Variants in NLRP13 observed in about 807,000 individuals in gnomAD.
The protein encoded by NLRP13 is NACHT, LRR and PYD domains-containing protein 13.
Under a neutral mutation model 94.4 loss-of-function variants are expected in NLRP13, and 82 were observed. The ratio of observed to expected loss-of-function variants is 0.87; its 90% CI spans 0.73 to 1.04. NLRP13 has a LOEUF of 1.04. NLRP13 is among the 50% of genes least tolerant of loss of function. The pLI, the probability that NLRP13 is intolerant of heterozygous loss-of-function variation, is 0.00. For missense variants in NLRP13, 1,426 were observed against 1,230.8 expected (o/e 1.16, Z -2.37); for synonymous variants, 553 against 464.7 (o/e 1.19, Z -2.45).
chr19:55,930,518 T>A (rs1412222733), intron 1 of NLRP13, among the ~76,000 whole-genome samples: 9 of 151,802 alleles, frequency 5.9e-5, no homozygotes, highest in African/African-American at 2.2e-4. Flanking sequence ...AAACCCCGTC[T>A]CTACTACAAA....
intron 6 of NLRP13, among the ~76,000 whole-genome samples, chr19:55,910,160 C>T (rs1334169410): frequency 6.6e-6 from 1 of 152,202 alleles, no homozygotes; most frequent in Non-Finnish European, 1.5e-5. Flanking sequence ...GTCCAATACT[C>T]ACTGAATGCA....
At chr19:55,911,133 G>A (rs549089209) in intron 5 of NLRP13, among the ~76,000 whole-genome samples, 7 of 152,202 alleles carry the variant, frequency 4.6e-5, no homozygotes, top group Non-Finnish European at 1.0e-4. Flanking sequence ...TGTAGCAGAT[G>A]GAGACAGAGA....
intron 10 of NLRP13, among the ~76,000 whole-genome samples, chr19:55,896,583 C>A (rs991376103): frequency 6.7e-6 from 1 of 149,896 alleles, no homozygotes; most frequent in African/African-American, 2.5e-5. Context: ...CTTAGGGAGG[C>A]TGAGGTGGGT....
chr19:55,896,222 C>T, intron 10 of NLRP13, 103 bp from the exon 11 acceptor site: 1 of 1,334,678 alleles, frequency 7.5e-7, no homozygotes. Flanking sequence ...CTAAAGCAGA[C>T]TGCTTAAGAG....
rs141036706 is a variant in NLRP13 at position 55,929,692 on chromosome 19, G to A, written c.319+2301C>T. Among the ~76,000 whole-genome samples, 763 of 152,206 alleles carry A rather than the reference G, an allele frequency of 5.0e-3. 3 individuals are homozygous for A. The highest frequency in any genetic ancestry group is 0.017 in the African/African-American group (697 of 41,532). On this transcript the variant is annotated intron_variant, in intron 1 of 10. Transcript: ENST00000342929. ...TAATGTACATGATGGGTTGATCGGTGCAGCAAACCACAATGGCATGTGTCT... is the reference window on the plus strand; with the variant it reads ...TAATGTACATGATGGGTTGATCGGTACAGCAAACCACAATGGCATGTGTCT...
In NLRP13 at chr19:55,924,640, C is replaced by T; in HGVS notation, c.407G>A (p.Gly136Glu). The change falls in exon 3 of 11, where the codon GGA becomes GAA. Residue 136 changes from glycine to glutamate, a missense_variant. By Grantham distance (98) the Gly-to-Glu change is moderately conservative (BLOSUM62 -2). Transcript: ENST00000342929. ...TTCTTCTTGGTTTGGATCTTGGCAT[C>T]CCTGGGTCTGCATATTCCCTGAAAT... is the stretch of plus-strand genomic sequence containing the variant. ...EAAAGNMQTQ[G>E]CQDPNQEELD... 5 of 1,613,480 alleles carry T rather than the reference C, an allele frequency of 3.1e-6. No individual in the cohort carries two copies. In the South Asian group the frequency reaches 4.4e-5, roughly 14 times the overall value.
chr19:55,894,888 C>G (rs1440841070), downstream of NLRP13, among the ~76,000 whole-genome samples: 2 of 152,152 alleles, frequency 1.3e-5, no homozygotes, highest in African/African-American at 4.8e-5. Context: ...ACCCAAAAGT[C>G]TCCAGGACTG....
At position 55,911,722 on chromosome 19, in the gene NLRP13, C is replaced by G; in HGVS notation, c.2095G>C (p.Asp699His). ...LSVSSHILER[D>H]LEILETSKFD... is the part of the protein sequence containing the mutation. ...AATACTCACTCCAGAATTTCCAAGT[C>G]CCTTTCAAGGATGTGACTGCTAACA... The change falls in exon 5 of 11, where the codon GAC (aspartate) becomes CAC (histidine). Residue 699 changes from aspartate to histidine, a missense_variant. Coordinates refer to ENST00000342929, the MANE Select transcript of NLRP13 (RefSeq NM_176810.2). 2 of 1,599,836 alleles carry G rather than the reference C, an allele frequency of 1.3e-6. No homozygotes were observed. The highest frequency in any genetic ancestry group is 1.7e-6 in the Non-Finnish European group (2 of 1,173,428).
chr19:55,909,187 T>A (rs1454194836), intron 6 of NLRP13, among the ~76,000 whole-genome samples: 3 of 152,210 alleles, frequency 2.0e-5, no homozygotes, highest in South Asian at 2.1e-4. Flanking sequence ...TCCTCTATAG[T>A]TCCCCCCCGG....
chr19:55,909,554 G>T (rs1476895585), intron 6 of NLRP13, among the ~76,000 whole-genome samples: 1 of 134,500 alleles, frequency 7.4e-6, no homozygotes, highest in Non-Finnish European at 1.6e-5. Flanking sequence ...AAAAAAAAAA[G>T]TCCTAATTTA....
chr19:55,894,738 G>A (rs1035703730), downstream of NLRP13, among the ~76,000 whole-genome samples: 1 of 152,206 alleles, frequency 6.6e-6, no homozygotes, highest in Admixed American at 6.5e-5. Flanking sequence ...CAAGGCTCAT[G>A]TCCGTTTGTT....
intron 7 of NLRP13, among the ~76,000 whole-genome samples, chr19:55,905,406 C>CAT (rs35976866): frequency 0.23 from 33,737 of 149,284 alleles, 3,964 homozygotes; most frequent in Middle Eastern, 0.27. Context: ...TATATACATA[C>CAT]ATATATATAC....
At chr19:55,899,953 GTT>G (rs34231494) in intron 9 of NLRP13, among the ~76,000 whole-genome samples, 49,875 of 141,104 alleles carry the variant, frequency 0.35, 9,155 homozygotes, top group African/African-American at 0.51. Flanking sequence ...TATAATTGTT[GTT>G]TTTTTTTTTT....
At chr19:55,910,769 A>G (rs1421209552) in intron 5 of NLRP13, 36 bp from the exon 6 acceptor site, 2 of 1,539,284 alleles carry the variant, frequency 1.3e-6, no homozygotes, top group South Asian at 2.4e-5. Context: ...GATAAGAGCA[A>G]ATTAGCCTCA....
chr19:55,901,722 C>T (rs1019520123), intron 9 of NLRP13, among the ~76,000 whole-genome samples: 2 of 152,166 alleles, frequency 1.3e-5, no homozygotes, highest in Admixed American at 1.3e-4. Flanking sequence ...TCCCAAGCCC[C>T]TTTCCCTTTG....
chr19:55,914,037 C>G (rs562448201), intron 4 of NLRP13, among the ~76,000 whole-genome samples: 2 of 152,356 alleles, frequency 1.3e-5, no homozygotes, highest in Admixed American at 6.5e-5. Flanking sequence ...AACTGTAGAG[C>G]CTGCCAGTTT....
chr19:55,893,639 C>T (rs564317305), downstream of NLRP13, among the ~76,000 whole-genome samples: 4 of 152,082 alleles, frequency 2.6e-5, no homozygotes, highest in South Asian at 2.1e-4. Context: ...AAAACCATGG[C>T]GCAGATGACA....
Position 55,932,122 on chromosome 19 carries a change from C to T in NLRP13, c.190G>A (p.Asp64Asn), listed in dbSNP as rs796052177. ...AAAAGAAAGGACAGATTCAAAGGGT[C>T]GGCAGCTCTCAAGTTTGCCCAGGGG... ...RIPWANLRAA[D>N]PLNLSFLLDE... The change falls in exon 1 of 11, where the codon GAC becomes AAC. Residue 64 changes from aspartate to asparagine, a missense_variant. Physicochemically the swap from Asp to Asn is conservative, Grantham distance 23 (BLOSUM62 1). Transcript: ENST00000342929. 4.3e-6 allele frequency: 7 copies of T among 1,614,022 alleles called. No homozygotes were observed. The highest frequency in any genetic ancestry group is 1.3e-5 in the African/African-American group (1 of 74,922).
At chr19:55,917,935 C>A (rs1371523186) in intron 4 of NLRP13, among the ~76,000 whole-genome samples, 1 of 151,938 alleles carries the variant, frequency 6.6e-6, no homozygotes, top group African/African-American at 2.4e-5. Context: ...TTTACAGAAC[C>A]TTCTACTCAA....
Sources: gnomAD v4.1 joint callset for allele counts (sites outside exome capture counted in the v4.1 genomes callset) on GRCh38, gnomAD v4.1.1 for gene constraint, MANE v1.5 for transcripts, NCBI Gene and HGNC (gene_info 2026-07-23, HGNC 2026-07-21) for gene names.